The following STK32B variants were observed in gnomAD, a reference collection of about 807,000 sequenced individuals.
The protein encoded by STK32B is serine/threonine kinase 32B, also known as serine/threonine-protein kinase 32B.
STK32B carries 43 observed loss-of-function variants against 52.6 expected under a neutral mutation model. The ratio of observed to expected loss-of-function variants is 0.82; its 90% CI spans 0.64 to 1.05. The LOEUF (loss-of-function observed/expected upper bound fraction) is 1.05. STK32B is among the 50% of genes least tolerant of loss of function. The pLI is 0.00. For missense variants in STK32B, 621 were observed against 534.6 expected (o/e 1.16, Z -1.59); for synonymous variants, 238 against 204.3 (o/e 1.17, Z -1.41).
At chr4:5,412,892 C>T (rs1286424506) in intron 5 of STK32B, among the ~76,000 whole-genome samples, 1 of 152,120 alleles carries the variant, frequency 6.6e-6, no homozygotes, top group Non-Finnish European at 1.5e-5. Context: ...AAAACCCTCT[C>T]ACTTGGAGTA....
intron 3 of STK32B, among the ~76,000 whole-genome samples, chr4:5,284,038 G>C (rs966634768): frequency 6.6e-6 from 1 of 152,098 alleles, no homozygotes; most frequent in Non-Finnish European, 1.5e-5. Context: ...TTCAAAAATT[G>C]TCTAGGCGTA....
intron 3 of STK32B, among the ~76,000 whole-genome samples, chr4:5,326,485 C>T (rs1458205115): frequency 6.6e-6 from 1 of 152,186 alleles, no homozygotes; most frequent in Non-Finnish European, 1.5e-5. Flanking sequence ...CCTCTTTCTG[C>T]ATTTAGCTCC....
intron 3 of STK32B, among the ~76,000 whole-genome samples, chr4:5,256,970 G>A (rs1050874402): frequency 2.6e-5 from 4 of 152,116 alleles, no homozygotes; most frequent in Non-Finnish European, 5.9e-5. Context: ...TGAGTGAGTG[G>A]ATGAATAAGT....
chr4:5,490,395 C>A (rs1719621882), intron 11 of STK32B, among the ~76,000 whole-genome samples: 1 of 152,092 alleles, frequency 6.6e-6, no homozygotes. Flanking sequence ...GTTTGAGCCA[C>A]CACGCCTGGC....
At chr4:5,135,175 CAT>C (rs1214035595) in intron 1 of STK32B, among the ~76,000 whole-genome samples, 33 of 152,338 alleles carry the variant, frequency 2.2e-4, no homozygotes, top group African/African-American at 6.0e-4. Context: ...AAGCCACTAA[CAT>C]AGAATAATAT....
At chr4:5,086,730 T>A (rs1712751978) in intron 1 of STK32B, among the ~76,000 whole-genome samples, 1 of 151,878 alleles carries the variant, frequency 6.6e-6, no homozygotes, top group African/African-American at 2.4e-5. Context: ...TCAGGTGTAG[T>A]AAGATTAACA....
At chr4:5,122,956 T>C (rs1414263646) in intron 1 of STK32B, among the ~76,000 whole-genome samples, 1 of 152,106 alleles carries the variant, frequency 6.6e-6, no homozygotes, top group Admixed American at 6.5e-5. Context: ...CTCTATTTGC[T>C]CCACCTGCAC....
chr4:5,168,418 A>G lies in STK32B; in HGVS notation c.228A>G (p.Gln76=). The change falls in exon 3 of 12, where the codon CAA becomes CAG. Residue 76 remains glutamine, a synonymous_variant. Coordinates refer to ENST00000282908, the MANE Select transcript of STK32B (RefSeq NM_018401.3). ...TTTTCCGGGAGCTGCAGATCATGCA[A>G]GGGCTGGAGCACCCCTTCCTGGTCA... ...RNVFRELQIM[Q]GLEHPFLVNL... 1.2e-6 allele frequency: 2 copies of G among 1,613,794 alleles called. No individual in the cohort carries two copies. The highest frequency in any genetic ancestry group is 1.7e-6 in the Non-Finnish European group (2 of 1,179,900).
chr4:5,434,939 G>C, intron 6 of STK32B, among the ~76,000 whole-genome samples: 1 of 152,124 alleles, frequency 6.6e-6, no homozygotes, highest in Non-Finnish European at 1.5e-5. Context: ...TGGCCTTAAA[G>C]TTATAAGACT....
chr4:5,134,701 G>A (rs1715970471), intron 1 of STK32B, among the ~76,000 whole-genome samples: 1 of 152,186 alleles, frequency 6.6e-6, no homozygotes, highest in Non-Finnish European at 1.5e-5. Context: ...ACCCACCCAT[G>A]TGCAAACTTG....
chr4:5,261,324 G>T (rs1726700319), intron 3 of STK32B, among the ~76,000 whole-genome samples: 1 of 152,214 alleles, frequency 6.6e-6, no homozygotes, highest in Admixed American at 6.5e-5. Context: ...ATATTAGAAA[G>T]ACTTGCTGTG....
intron 1 of STK32B, 190 bp from the exon 2 acceptor site, chr4:5,139,715 G>A (rs181283287): frequency 1.8e-5 from 11 of 603,724 alleles, no homozygotes; most frequent in East Asian, 8.4e-5. Context: ...GACAATTTGT[G>A]TGCTGGGGAA....
chr4:5,093,712 TG>T (rs1713228402), intron 1 of STK32B, among the ~76,000 whole-genome samples: 1 of 145,978 alleles, frequency 6.9e-6, no homozygotes, highest in Non-Finnish European at 1.5e-5. Context: ...TAAAGTATAA[TG>T]AAAAAAAATG....
the STK32B span, among the ~76,000 whole-genome samples, chr4:5,035,319 C>A: frequency 6.6e-6 from 1 of 152,216 alleles, no homozygotes; most frequent in African/African-American, 2.4e-5. Flanking sequence ...GAAAAATAAT[C>A]TTTCTAGCTT....
At chr4:5,140,000 T>C in intron 2 of STK32B, 40 bp downstream of exon 2, 1 of 1,608,698 alleles carries the variant, frequency 6.2e-7, no homozygotes, top group Non-Finnish European at 8.5e-7. Context: ...CTTAAGTATG[T>C]GTGTATATTT....
intron 3 of STK32B, among the ~76,000 whole-genome samples, chr4:5,251,097 A>G (rs192099784): frequency 1.3e-4 from 20 of 152,262 alleles, no homozygotes; most frequent in East Asian, 3.9e-4. Flanking sequence ...TTTTGTTGCA[A>G]TTGCTTTTGG....
intron 10 of STK32B, 96 bp downstream of exon 10, chr4:5,466,930 A>G: frequency 6.9e-7 from 1 of 1,448,348 alleles, no homozygotes. Flanking sequence ...GGGACATTTC[A>G]ATCCTCCCTT....
chr4:5,093,625 A>T (rs1429152965), intron 1 of STK32B, among the ~76,000 whole-genome samples: 2 of 152,212 alleles, frequency 1.3e-5, no homozygotes, highest in Non-Finnish European at 2.9e-5. Flanking sequence ...TGATGAGTTA[A>T]TGGGTGCAAC....
chr4:5,293,836 T>C (rs1729035681), intron 3 of STK32B, among the ~76,000 whole-genome samples: 1 of 152,178 alleles, frequency 6.6e-6, no homozygotes, highest in South Asian at 2.1e-4. Flanking sequence ...CAGTTGCTCT[T>C]AGTGTTTTAG....
Sources: gnomAD v4.1 joint callset for allele counts (sites outside exome capture counted in the v4.1 genomes callset) on GRCh38, gnomAD v4.1.1 for gene constraint, MANE v1.5 for transcripts, NCBI Gene and HGNC (gene_info 2026-07-23, HGNC 2026-07-21) for gene names.